The following AFG1L variants were observed in gnomAD, a reference collection of about 807,000 sequenced individuals.
The protein encoded by AFG1L is AFG1 like ATPase, also known as AFG1-like ATPase.
A neutral mutation model predicts 62.2 loss-of-function variants in AFG1L; 53 were observed. The ratio of observed to expected loss-of-function variants is 0.85; its 90% CI spans 0.68 to 1.07. The LOEUF is 1.07. Among genes scored for constraint, AFG1L ranks in the 50% least tolerant of loss-of-function variants. The probability of loss-of-function intolerance (pLI) is 0.00; values close to 1 mark genes in which losing one functional copy is unlikely to be tolerated. For synonymous variants in AFG1L, 228 were observed against 210.3 expected (o/e 1.08, Z -0.73); for missense variants, 555 against 590.5 (o/e 0.94, Z 0.62).
At chr6:108,499,828 A>T (rs943529672) in intron 10 of AFG1L, among the ~76,000 whole-genome samples, 7 of 152,146 alleles carry the variant, frequency 4.6e-5, no homozygotes, top group Non-Finnish European at 1.5e-5. Context: ...TTCAGGGGGT[A>T]CATGCACAGG....
At chr6:108,379,192 G>A (rs1780387896) in intron 6 of AFG1L, among the ~76,000 whole-genome samples, 2 of 151,808 alleles carry the variant, frequency 1.3e-5, no homozygotes, top group Non-Finnish European at 1.5e-5. Context: ...TGTATTTTTA[G>A]TAGAGACAGG....
At chr6:108,321,935 G>A (rs1777825897) in intron 1 of AFG1L, among the ~76,000 whole-genome samples, 1 of 152,186 alleles carries the variant, frequency 6.6e-6, no homozygotes, top group Admixed American at 6.5e-5. Context: ...GGGCTGGAGT[G>A]CAGTGGTGTA....
intron 7 of AFG1L, among the ~76,000 whole-genome samples, chr6:108,407,380 T>G (rs1020849646): frequency 1.3e-5 from 2 of 152,154 alleles, no homozygotes; most frequent in African/African-American, 2.4e-5. Flanking sequence ...GCTCTAAGTC[T>G]GGGATATATG....
At chr6:108,302,651 C>T (rs671144) in intron 1 of AFG1L, among the ~76,000 whole-genome samples, 17,248 of 152,024 alleles carry the variant, frequency 0.11, 1,174 homozygotes, top group South Asian at 0.29. Flanking sequence ...AGGCCAGTTT[C>T]CAAAGGAGCT....
chr6:108,295,305 A>T, intron 1 of AFG1L, 87 bp downstream of exon 1: 2 of 1,448,954 alleles, frequency 1.4e-6, no homozygotes, highest in Admixed American at 4.5e-5. Flanking sequence ...GATCTACCCC[A>T]GGTGTCTCCT....
chr6:108,505,221 G>A (rs544649584), intron 10 of AFG1L, among the ~76,000 whole-genome samples: 5 of 152,002 alleles, frequency 3.3e-5, no homozygotes, highest in Admixed American at 3.3e-4. Context: ...AGCCTCCCGA[G>A]TAGCTGGGAT....
At chr6:108,404,515 C>T (rs536533525) in intron 7 of AFG1L, among the ~76,000 whole-genome samples, 12 of 151,798 alleles carry the variant, frequency 7.9e-5, no homozygotes, top group East Asian at 1.9e-4. Context: ...GAGTACTCTT[C>T]GGTTGTTTTG....
At chr6:108,462,579 C>G (rs1772504960) in intron 8 of AFG1L, among the ~76,000 whole-genome samples, 1 of 152,138 alleles carries the variant, frequency 6.6e-6, no homozygotes, top group African/African-American at 2.4e-5. Flanking sequence ...CAAAAGAAGT[C>G]CATCTAATAT....
chr6:108,438,233 TA>T (rs1167594413), intron 7 of AFG1L, among the ~76,000 whole-genome samples: 1 of 152,208 alleles, frequency 6.6e-6, no homozygotes, highest in Non-Finnish European at 1.5e-5. Flanking sequence ...CTGGATGACT[TA>T]AACCATGGAA....
chr6:108,347,040 G>T lies in AFG1L; in HGVS notation c.415+1G>T. ...GGCCTGTATGTTTATGGAGATGTTGGTAAGTGTGTTAAAATAAGTTTTGGG... is the reference window on the plus strand; with the variant it reads ...GGCCTGTATGTTTATGGAGATGTTGTTAAGTGTGTTAAAATAAGTTTTGGG... On this transcript the variant is annotated splice_donor_variant, in intron 3 of 12. Coordinates refer to ENST00000368977, the MANE Select transcript of AFG1L (RefSeq NM_145315.5). LOFTEE classifies it high-confidence loss of function. 6.2e-7 allele frequency: 1 copy of T among 1,612,174 alleles called. No individual in the cohort carries two copies.
chr6:108,520,558 G>A (rs1562210680), intron 12 of AFG1L: 1 of 152,194 alleles, frequency 6.6e-6, no homozygotes, highest in Admixed American at 6.5e-5. Context: ...CACCCCATGA[G>A]GGGAGCCCAA....
chr6:108,452,654 G>C (rs557670699), intron 8 of AFG1L, among the ~76,000 whole-genome samples: 1 of 152,176 alleles, frequency 6.6e-6, no homozygotes, highest in South Asian at 2.1e-4. Context: ...TATTTCATAA[G>C]TGCTGACAGA....
intron 7 of AFG1L, among the ~76,000 whole-genome samples, chr6:108,435,621 A>G (rs1221814006): frequency 6.6e-6 from 1 of 152,090 alleles, no homozygotes; most frequent in Non-Finnish European, 1.5e-5. Context: ...AGGAGAGAAG[A>G]TGTTTCCTCA....
At chr6:108,446,481 C>A (rs1771803967) in intron 7 of AFG1L, among the ~76,000 whole-genome samples, 1 of 64,172 alleles carries the variant, frequency 1.6e-5, no homozygotes, top group African/African-American at 4.7e-5. Context: ...TGGCCCAACT[C>A]TCTCTCTCTC....
At chr6:108,302,637 TACG>T (rs1237751679) in intron 1 of AFG1L, among the ~76,000 whole-genome samples, 1 of 152,128 alleles carries the variant, frequency 6.6e-6, no homozygotes, top group African/African-American at 2.4e-5. Flanking sequence ...GTAGACAAGA[TACG>T]AGGCCAGTTT....
chr6:108,373,421 T>C (rs1475215014), intron 6 of AFG1L, among the ~76,000 whole-genome samples: 1 of 152,308 alleles, frequency 6.6e-6, no homozygotes, highest in Non-Finnish European at 1.5e-5. Flanking sequence ...TACCACATTT[T>C]CCTCATCCAG....
At chr6:108,402,774 A>G (rs902117623) in intron 7 of AFG1L, among the ~76,000 whole-genome samples, 4 of 152,114 alleles carry the variant, frequency 2.6e-5, no homozygotes, top group African/African-American at 9.7e-5. Flanking sequence ...GTTAATGGCC[A>G]TTATTAACAT....
At chr6:108,440,178 C>T (rs193231439) in intron 7 of AFG1L, among the ~76,000 whole-genome samples, 2 of 152,084 alleles carry the variant, frequency 1.3e-5, no homozygotes, top group Admixed American at 1.3e-4. Flanking sequence ...AAAAAAGATA[C>T]ATTTTTATTT....
At chr6:108,509,314 G>A (rs2114895188) in intron 10 of AFG1L, among the ~76,000 whole-genome samples, 1 of 152,282 alleles carries the variant, frequency 6.6e-6, no homozygotes, top group African/African-American at 2.4e-5. Flanking sequence ...CAATTATTCT[G>A]GAGCTCTCAT....
Sources: gnomAD v4.1 joint callset for allele counts (sites outside exome capture counted in the v4.1 genomes callset) on GRCh38, gnomAD v4.1.1 for gene constraint, MANE v1.5 for transcripts, NCBI Gene and HGNC (gene_info 2026-07-23, HGNC 2026-07-21) for gene names.